Variants in ZC3H18 observed in about 807,000 individuals in gnomAD.
The protein encoded by ZC3H18 is zinc finger CCCH-type containing 18, also known as zinc finger CCCH domain-containing protein 18.
In ZC3H18, 8 loss-of-function variants were observed where a neutral mutation model predicts 106.1. That is an observed-to-expected ratio of 0.08 (90% CI 0.04 to 0.14). ZC3H18 has a LOEUF of 0.14. ZC3H18 is among the 10% of genes least tolerant of loss of function. The pLI is 1.00. For synonymous variants in ZC3H18, 635 were observed against 522.1 expected (o/e 1.22, Z -2.95); for missense variants, 1,318 against 1,278.4 (o/e 1.03, Z -0.47).
intron 9 of ZC3H18, chr16:88,622,599 G>T (rs796717751): frequency 1.7e-6 from 1 of 574,920 alleles, no homozygotes; most frequent in Non-Finnish European, 3.0e-6. Flanking sequence ...GACCCCAAAT[G>T]GGGCACAGAC....
At position 88,627,471 on chromosome 16, in the gene ZC3H18, C is replaced by A. The variant is rs1336901616; in HGVS notation, c.2109-151C>A. 3 of 1,093,308 alleles carry A rather than the reference C, an allele frequency of 2.7e-6. No individual in the cohort carries two copies. Among genetic ancestry groups the A allele is most frequent in the Non-Finnish European group, 3.9e-6 (3 of 776,976 alleles). The allele number at this position is 1,093,308 out of a possible 1,614,324, so 67.7% of individuals were successfully genotyped here. On this transcript the variant is annotated intron_variant, in intron 13 of 17. Coordinates refer to ENST00000301011, the MANE Select transcript of ZC3H18 (RefSeq NM_144604.4). The surrounding 1 kb of genome is among the most constrained non-coding windows in gnomAD (Gnocchi z 4.5). ...TGGGGACGTCCCTTACTTTGTAACCCTGAAACTGCCCAGTGTCCCCCCAAA... is the reference window on the plus strand; with the variant it reads ...TGGGGACGTCCCTTACTTTGTAACCATGAAACTGCCCAGTGTCCCCCCAAA...
chr16:88,609,282 G>GT (rs545532675), intron 7 of ZC3H18: 159 of 301,702 alleles, frequency 5.3e-4, no homozygotes, highest in Admixed American at 2.0e-3. Context: ...CTATGGTTTT[G>GT]TTTTTTTGTG....
Position 88,627,520 on chromosome 16 carries a change from A to T in ZC3H18, c.2109-102A>T. On this transcript the variant is annotated intron_variant, in intron 13 of 17. Coordinates refer to ENST00000301011, the MANE Select transcript of ZC3H18 (RefSeq NM_144604.4). This position sits in a 1 kb window ranked among gnomAD's most constrained non-coding sequence, Gnocchi z 4.5. The stretch of plus-strand genomic sequence containing the variant: ...AAATCACACATTCCGTGGGTACATG[A>T]TCCATAAATGGACACTGCGTAAAAG... The T allele has an allele frequency of 6.8e-7, 1 of 1,460,406 alleles. No homozygotes were observed. The highest frequency in any genetic ancestry group is 9.2e-7 in the Non-Finnish European group (1 of 1,083,792). 90.5% of individuals were successfully genotyped at this position (1,460,406 alleles called of 1,614,324 possible).
At chr16:88,602,584 A>T (rs1424995206) in intron 6 of ZC3H18, among the ~76,000 whole-genome samples, 3 of 152,224 alleles carry the variant, frequency 2.0e-5, no homozygotes, top group Non-Finnish European at 4.4e-5. Context: ...GGTAATTCTG[A>T]TGCATATTAA....
At chr16:88,622,953 C>T (rs1906057918) in intron 9 of ZC3H18, 2 of 493,080 alleles carry the variant, frequency 4.1e-6, no homozygotes, top group South Asian at 2.2e-5. Context: ...ACTCAGGCAG[C>T]GCCACCCGGT....
chr16:88,614,943 C>A (rs762857304), intron 8 of ZC3H18, among the ~76,000 whole-genome samples: 2 of 152,182 alleles, frequency 1.3e-5, no homozygotes, highest in African/African-American at 4.8e-5. Context: ...TCCTCCATTC[C>A]GTCTGCCTGG....
intron 8 of ZC3H18, among the ~76,000 whole-genome samples, chr16:88,621,173 T>C (rs755341911): frequency 3.3e-4 from 50 of 152,144 alleles, no homozygotes; most frequent in Non-Finnish European, 6.6e-4. Context: ...GCTTCCCAAG[T>C]AGCTGGGATT....
chr16:88,580,186 GTGTGTGTGTGTGTGTGTGTGTGTA>G (rs1241094907), intron 2 of ZC3H18, among the ~76,000 whole-genome samples: 33 of 74,918 alleles, frequency 4.4e-4, no homozygotes, highest in Non-Finnish European at 8.8e-4. Flanking sequence ...GTGTGTGTGT[GTGTGTGTGTGTGTGTGTGTGTGTA>G]TATGTATATG....
intron 17 of ZC3H18, among the ~76,000 whole-genome samples, 175 bp downstream of exon 17, chr16:88,630,756 A>T (rs141167049): frequency 6.0e-5 from 3 of 50,194 alleles, no homozygotes; most frequent in East Asian, 9.5e-4. Context: ...CCCACCCCCC[A>T]CCCCCCCCCA....
chr16:88,587,684 C>T (rs1301618453), intron 3 of ZC3H18: 122 of 1,391,754 alleles, frequency 8.8e-5, no homozygotes, highest in Non-Finnish European at 1.1e-4. Flanking sequence ...AGACTTCCTT[C>T]TCCTGGATCC....
chr16:88,612,057 GTGGGTGCCT>G (rs1199339765), intron 8 of ZC3H18, among the ~76,000 whole-genome samples: 1 of 152,180 alleles, frequency 6.6e-6, no homozygotes, highest in Admixed American at 6.5e-5. Context: ...CCTTTGCGGA[GTGGGTGCCT>G]TGGGTGCAGA....
At chr16:88,611,094 C>T (rs1446771616) in intron 7 of ZC3H18, among the ~76,000 whole-genome samples, 174 bp from the exon 8 acceptor site, 3 of 152,236 alleles carry the variant, frequency 2.0e-5, no homozygotes, top group Non-Finnish European at 2.9e-5. Context: ...CTGTACTCCA[C>T]CGCAGAGAGT....
chr16:88,576,954 G>T (rs1914789209), intron 1 of ZC3H18, among the ~76,000 whole-genome samples, 156 bp from the exon 2 acceptor site: 1 of 152,192 alleles, frequency 6.6e-6, no homozygotes, highest in Non-Finnish European at 1.5e-5. Flanking sequence ...TGGAGTTATG[G>T]CCTGTCTTTC....
intron 8 of ZC3H18, among the ~76,000 whole-genome samples, chr16:88,618,183 C>A (rs1312279616): frequency 6.6e-6 from 1 of 152,048 alleles, no homozygotes; most frequent in Non-Finnish European, 1.5e-5. Context: ...CCATTGGACT[C>A]CACTTTTTTT....
chr16:88,582,619 G>A (rs1343178821), intron 2 of ZC3H18, among the ~76,000 whole-genome samples: 6 of 152,062 alleles, frequency 3.9e-5, no homozygotes, highest in South Asian at 4.2e-4. Context: ...AGGAAGCAGC[G>A]GCCTGTACCA....
chr16:88,597,645 C>T (rs1904509081), intron 3 of ZC3H18, among the ~76,000 whole-genome samples: 1 of 152,158 alleles, frequency 6.6e-6, no homozygotes, highest in African/African-American at 2.4e-5. Flanking sequence ...TGTAAAAGCC[C>T]GTTTCAGTTC....
At chr16:88,630,441 C>T (rs1007340292) in intron 16 of ZC3H18, 44 bp from the exon 17 acceptor site, 3 of 1,542,778 alleles carry the variant, frequency 1.9e-6, no homozygotes, top group Non-Finnish European at 1.8e-6. Context: ...ACAGCCATTC[C>T]CTGTACATCA....
intron 2 of ZC3H18, 113 bp downstream of exon 2, chr16:88,577,839 G>A: frequency 6.4e-7 from 1 of 1,565,878 alleles, no homozygotes; most frequent in Non-Finnish European, 8.6e-7. Context: ...TGTTACTAGG[G>A]ATGGTGCAGG....
At position 88,631,193 on chromosome 16, in the gene ZC3H18, C is replaced by T; in HGVS notation, c.2756C>T (p.Ser919Leu). 2.5e-6 allele frequency: 4 copies of T among 1,613,834 alleles called. No homozygotes were observed. Among genetic ancestry groups the T allele is most frequent in the Non-Finnish European group, 3.4e-6 (4 of 1,180,030 alleles). ...GATCCCGGCGCCGCCAGCACCAAATCAGGGAAGGCCAGCACGCTGTCTCGG... is the reference window on the plus strand; with the variant it reads ...GATCCCGGCGCCGCCAGCACCAAATTAGGGAAGGCCAGCACGCTGTCTCGG... ...ASDPGAASTK[S>L]GKASTLSRRE... Residue 919 changes from serine to leucine, a missense_variant, in exon 18 of 18, where the codon TCA becomes TTA. Around this residue, in one of 6 missense-constraint regions of ZC3H18, gnomAD observed 848 missense variants for 821.7 expected, o/e 1.03. Transcript: ENST00000301011.
Sources: gnomAD v4.1 joint callset for allele counts (sites outside exome capture counted in the v4.1 genomes callset) on GRCh38, gnomAD v4.1.1 for gene constraint, gnomAD v4.1.1 regional missense constraint, Gnocchi (gnomAD v3.1) non-coding constraint, MANE v1.5 for transcripts, NCBI Gene and HGNC (gene_info 2026-07-23, HGNC 2026-07-21) for gene names.